The following PCDHA3 variants were observed in gnomAD, a reference collection of about 807,000 sequenced individuals.
PCDHA3 encodes protocadherin alpha 3.
Under a neutral mutation model 62.2 loss-of-function variants are expected in PCDHA3, and 41 were observed. That is an observed-to-expected ratio of 0.66 (90% CI 0.51 to 0.86). The LOEUF is 0.86. Ranked by LOEUF, PCDHA3 falls within the 40% of genes least tolerant of loss-of-function variation. The pLI, the probability that PCDHA3 is intolerant of heterozygous loss-of-function variation, is 0.00. For synonymous variants in PCDHA3, 640 were observed against 555.4 expected (o/e 1.15, Z -2.14); for missense variants, 1,304 against 1,241.2 (o/e 1.05, Z -0.76).
At chr5:140,818,260 C>G (rs1461954108) in intron 1 of PCDHA3, among the ~76,000 whole-genome samples, 1 of 152,102 alleles carries the variant, frequency 6.6e-6, no homozygotes, top group Non-Finnish European at 1.5e-5. Context: ...TTTTAAATCA[C>G]TTTTTCTCTT....
rs145968482 is a variant in PCDHA3, at chr5:140,977,336, C to G, written c.2395-1613C>G. Among the ~76,000 whole-genome samples, 133 of 152,262 alleles carry G rather than the reference C, an allele frequency of 8.7e-4. 2 individuals carry two copies. The highest frequency in any genetic ancestry group is 3.9e-4 in the East Asian group (2 of 5,188). On this transcript the variant is annotated intron_variant, in intron 1 of 3. Coordinates refer to ENST00000522353, the MANE Select transcript of PCDHA3 (RefSeq NM_018906.3). Reference sequence around the variant, plus strand: ...GTGCTCCTGATGGCGAGGGGAGAGACGGTGATGATGACTGATTGATAAAAA... The same window carrying G: ...GTGCTCCTGATGGCGAGGGGAGAGAGGGTGATGATGACTGATTGATAAAAA...
chr5:141,004,274 A>T (rs2098160407), intron 3 of PCDHA3, among the ~76,000 whole-genome samples: 1 of 152,212 alleles, frequency 6.6e-6, no homozygotes, highest in Admixed American at 6.5e-5. Flanking sequence ...CACAGTCTAC[A>T]TGCTGCTGAG....
intron 1 of PCDHA3, chr5:140,849,459 G>T (rs2150438078): frequency 1.3e-6 from 2 of 1,587,980 alleles, no homozygotes. Flanking sequence ...CCCAGTCGAG[G>T]CTGTCGATAA....
intron 3 of PCDHA3, among the ~76,000 whole-genome samples, chr5:140,996,311 G>T (rs191577867): frequency 2.6e-5 from 4 of 152,184 alleles, no homozygotes; most frequent in African/African-American, 7.2e-5. Context: ...ACAAAGTAAG[G>T]GGGGAGGGTA....
At chr5:140,890,634 T>A (rs986470825) in intron 1 of PCDHA3, among the ~76,000 whole-genome samples, 3 of 152,204 alleles carry the variant, frequency 2.0e-5, no homozygotes, top group African/African-American at 7.2e-5. Context: ...TAAGCATGTA[T>A]CCTTGATATA....
chr5:140,848,601 C>T (rs2150414189), intron 1 of PCDHA3: 4 of 1,593,618 alleles, frequency 2.5e-6, no homozygotes, highest in Admixed American at 3.4e-5. Context: ...CTACTCCGTC[C>T]CGGAGGAAGC....
chr5:140,828,388 C>G (rs2150154802), intron 1 of PCDHA3: 3 of 1,614,274 alleles, frequency 1.9e-6, no homozygotes, highest in Non-Finnish European at 2.5e-6. Flanking sequence ...GCGGGCGGAG[C>G]GCGGAGTGCA....
At chr5:140,982,092 G>A (rs984553109) in intron 2 of PCDHA3, among the ~76,000 whole-genome samples, 1 of 152,218 alleles carries the variant, frequency 6.6e-6, no homozygotes, top group African/African-American at 2.4e-5. Context: ...CTAGGAACAA[G>A]AGAACCTGCA....
At chr5:140,848,698 CCAAAGG>C (rs2040558195) in intron 1 of PCDHA3, 1 of 1,592,180 alleles carries the variant, frequency 6.3e-7, no homozygotes, top group African/African-American at 1.3e-5. Context: ...CAGTTGGATT[CCAAAGG>C]CCGCGGGGAC....
rs898664223 is a variant in PCDHA3 at position 140,803,569 on chromosome 5, T to C, written c.2372T>C (p.Val791Ala). 1.2e-6 allele frequency: 2 copies of C among 1,614,248 alleles called. No homozygotes were observed. The highest frequency in any genetic ancestry group is 8.5e-7 in the Non-Finnish European group (1 of 1,180,038). The change falls in exon 1 of 4, where the codon GTG becomes GCG. Residue 791 changes from valine to alanine, a missense_variant. Val to Ala is a moderately conservative substitution (Grantham distance 64, BLOSUM62 0). Coordinates refer to ENST00000522353, the MANE Select transcript of PCDHA3 (RefSeq NM_018906.3). ...ISRDREEKQD[V>A]DVDLSAKPRQ... Reference sequence around the variant, plus strand: ...CGGGATAGAGAGGAGAAACAGGATGTGGACGTTGATCTCTCAGCCAAAGTG... The same window carrying C: ...CGGGATAGAGAGGAGAAACAGGATGCGGACGTTGATCTCTCAGCCAAAGTG...
intron 1 of PCDHA3, chr5:140,877,781 T>C: frequency 6.2e-7 from 1 of 1,614,178 alleles, no homozygotes; most frequent in South Asian, 1.1e-5. Flanking sequence ...ACGGACCTCA[T>C]GGCCTTCAGC....
At chr5:140,915,189 C>T (rs782151020) in intron 1 of PCDHA3, among the ~76,000 whole-genome samples, 21 of 152,010 alleles carry the variant, frequency 1.4e-4, no homozygotes, top group African/African-American at 4.1e-4. Context: ...CCTAGTGATC[C>T]GCCCATCTTG....
chr5:140,869,511 A>G, intron 1 of PCDHA3: 1 of 1,614,194 alleles, frequency 6.2e-7, no homozygotes, highest in Non-Finnish European at 8.5e-7. Context: ...TCTCGCTCAG[A>G]GAACAAAAGC....
chr5:140,938,180 A>G (rs913967767), intron 1 of PCDHA3, among the ~76,000 whole-genome samples: 2 of 152,166 alleles, frequency 1.3e-5, no homozygotes, highest in Non-Finnish European at 2.9e-5. Flanking sequence ...TCCTGGGCTC[A>G]AGCAATCCTC....
In PCDHA3 at chr5:140,802,880, C is replaced by G. The variant is rs1763052378; in HGVS notation, c.1683C>G (p.Asn561Lys). The change falls in exon 1 of 4, where the codon AAC becomes AAG. Residue 561 changes from asparagine to lysine, a missense_variant. Physicochemically the swap from Asn to Lys is moderately conservative, Grantham distance 94. Transcript: ENST00000522353. ...TGTTCGTGCTGGACGAGAACGACAA[C>G]GCGCCGGCACTGCTGATGCCTCGGG... Reference protein sequence around the residue: ...LQVFVLDENDNAPALLMPRVG... With the variant: ...LQVFVLDENDKAPALLMPRVG... The G allele has an allele frequency of 6.2e-7, 1 of 1,613,482 alleles. No individual in the cohort carries two copies. Among genetic ancestry groups the G allele is most frequent in the African/African-American group, 1.3e-5 (1 of 74,898 alleles).
chr5:140,915,838 A>AG (rs1359061531), intron 1 of PCDHA3, among the ~76,000 whole-genome samples: 1 of 152,154 alleles, frequency 6.6e-6, no homozygotes, highest in Admixed American at 6.5e-5. Flanking sequence ...TAAGATCAGC[A>AG]GGGGGTGACA....
intron 1 of PCDHA3, among the ~76,000 whole-genome samples, chr5:140,909,254 G>A (rs915513119): frequency 6.6e-6 from 1 of 152,334 alleles, no homozygotes; most frequent in East Asian, 1.9e-4. Context: ...TGCTGGCCTT[G>A]CTGACTGAAG....
chr5:140,980,949 A>G (rs1187381167), intron 2 of PCDHA3, among the ~76,000 whole-genome samples: 1 of 152,182 alleles, frequency 6.6e-6, no homozygotes, highest in East Asian at 1.9e-4. Context: ...TGGCTCCAGG[A>G]TAGTTACACC....
intron 1 of PCDHA3, chr5:140,853,906 C>T (rs2042902737): frequency 2.1e-6 from 2 of 955,058 alleles, no homozygotes; most frequent in African/African-American, 1.8e-5. Flanking sequence ...GGTGGCCTGA[C>T]ACCTGCAATC....
Sources: gnomAD v4.1 joint callset for allele counts (sites outside exome capture counted in the v4.1 genomes callset) on GRCh38, gnomAD v4.1.1 for gene constraint, MANE v1.5 for transcripts, NCBI Gene and HGNC (gene_info 2026-07-23, HGNC 2026-07-21) for gene names.